The following TMIGD3 variants were observed in gnomAD, a reference collection of about 807,000 sequenced individuals.
TMIGD3 encodes transmembrane and immunoglobulin domain containing 3.
Under a neutral mutation model 28.1 loss-of-function variants are expected in TMIGD3, and 21 were observed. The ratio of observed to expected loss-of-function variants is 0.75; its 90% CI spans 0.53 to 1.08. The LOEUF is 1.08. Ranked by LOEUF, TMIGD3 falls within the 50% of genes least tolerant of loss-of-function variation. The pLI, the probability that TMIGD3 is intolerant of heterozygous loss-of-function variation, is 0.00. For synonymous variants in TMIGD3, 151 were observed against 162.1 expected (o/e 0.93, Z 0.52); for missense variants, 416 against 435.6 (o/e 0.96, Z 0.40).
chr1:111,516,103 C>T (rs757681759), intron 1 of TMIGD3, among the ~76,000 whole-genome samples: 1 of 152,256 alleles, frequency 6.6e-6, no homozygotes, highest in African/African-American at 2.4e-5. Flanking sequence ...GGACAGCGCC[C>T]TCAGCACCCC....
At chr1:111,511,622 T>A (rs1655693630) in intron 1 of TMIGD3, among the ~76,000 whole-genome samples, 1 of 152,068 alleles carries the variant, frequency 6.6e-6, no homozygotes, top group Non-Finnish European at 1.5e-5. Context: ...TTTTTACCTA[T>A]AACAACCATT....
upstream of TMIGD3, among the ~76,000 whole-genome samples, chr1:111,504,658 T>C (rs1655413502): frequency 1.3e-5 from 2 of 152,216 alleles, no homozygotes; most frequent in African/African-American, 4.8e-5. Context: ...TCTAAATATG[T>C]ACAGCCCAAA....
chr1:111,483,690 C>T lies in TMIGD3; in HGVS notation c.1041G>A (p.Met347Ile). 6.2e-7 allele frequency: 1 copy of T among 1,612,618 alleles called. No individual in the cohort carries two copies. Among genetic ancestry groups the T allele is most frequent in the East Asian group, 2.2e-5 (1 of 44,880 alleles). ...ACTAAATTAAAAAAATCTTCAGTCA[C>T]ATCTGTTCAGTAGGAGCCATTTCCT... ...TPKEMAPTEQ[M>I] Residue 347 changes from methionine (M) to isoleucine (I), a missense_variant, in exon 6 of 6, where the codon ATG (methionine) becomes ATA (isoleucine). Met to Ile is a conservative substitution (Grantham distance 10). Coordinates refer to ENST00000369716, the MANE Select transcript of TMIGD3 (RefSeq NM_020683.7).
intron 1 of TMIGD3, chr1:111,499,844 A>G: frequency 6.5e-7 from 1 of 1,531,746 alleles, no homozygotes; most frequent in South Asian, 1.3e-5. Flanking sequence ...CCTCAGTGGA[A>G]GTAATCAAGG....
chr1:111,520,405 G>C (rs1656018746), intron 1 of TMIGD3, among the ~76,000 whole-genome samples: 1 of 152,196 alleles, frequency 6.6e-6, no homozygotes, highest in Admixed American at 6.5e-5. Context: ...TCGCCAACAA[G>C]ATAATAAGAT....
At chr1:111,484,032 A>G (rs1402011785) in intron 5 of TMIGD3, among the ~76,000 whole-genome samples, 3 of 152,228 alleles carry the variant, frequency 2.0e-5, no homozygotes, top group Non-Finnish European at 4.4e-5. Flanking sequence ...GCCTTGGTTC[A>G]GGCTGCCACA....
rs1261351308 is a variant in TMIGD3 at position 111,488,668 on chromosome 1, G to C, written c.805+9C>G. 2.5e-6 allele frequency: 4 copies of C among 1,608,650 alleles called. No individual in the cohort carries two copies. Among genetic ancestry groups the C allele is most frequent in the African/African-American group, 2.7e-5 (2 of 74,822 alleles). ...TTACATCCAGCCAGACCCCAGGCAG[G>C]CTCCTTACCTTTCCCAGACCAAAAG... On this transcript the variant is annotated intron_variant, in intron 3 of 5. Coordinates refer to ENST00000369716, the MANE Select transcript of TMIGD3 (RefSeq NM_020683.7).
intron 3 of TMIGD3, 115 bp downstream of exon 3, chr1:111,488,562 A>C (rs1654496488): frequency 1.1e-6 from 1 of 932,412 alleles, no homozygotes. Context: ...AGGCAGGCCC[A>C]AAGTACCCAG....
Position 111,549,564 on chromosome 1 carries a change from C to A in TMIGD3, c.107+14282G>T, listed in dbSNP as rs539742289. Among the ~76,000 whole-genome samples, 10 of 151,024 alleles carry A rather than the reference C, an allele frequency of 6.6e-5. No homozygotes were observed. The East Asian group carries it at 1.4e-3, about 21-fold the overall frequency. On this transcript the variant is annotated intron_variant, in intron 1 of 5. Transcript: ENST00000369717. ...ACTAGGGAGGCTGAGACAGGAGAAT[C>A]GCTTGAACTGAGGAGGCGGAGGTTG...
intron 1 of TMIGD3, among the ~76,000 whole-genome samples, chr1:111,544,489 G>C (rs996511838): frequency 6.6e-6 from 1 of 152,028 alleles, no homozygotes; most frequent in Non-Finnish European, 1.5e-5. Flanking sequence ...ATTTCTTTCA[G>C]CATAATGTTT....
chr1:111,531,318 CT>C lies in TMIGD3; in HGVS notation c.107+32527del, dbSNP rs1656453016. Among the ~76,000 whole-genome samples the C allele has an allele frequency of 2.0e-5, 3 of 151,570 alleles. No homozygotes were observed. The South Asian group carries it at 6.2e-4, about 31-fold the overall frequency. On this transcript the variant is annotated intron_variant, in intron 1 of 5. Transcript: ENST00000369717. ...AAAAACCCAAAACATTATTTTTCCT[CT>C]TTATGTTTCATTTGGTATCATTTGT...
At chr1:111,525,114 T>C (rs1656219378) in intron 1 of TMIGD3, among the ~76,000 whole-genome samples, 1 of 152,222 alleles carries the variant, frequency 6.6e-6, no homozygotes, top group Admixed American at 6.5e-5. Flanking sequence ...AAATGTTCTA[T>C]GTGCACTTGA....
At chr1:111,491,602 C>T (rs1013525998) in intron 1 of TMIGD3, among the ~76,000 whole-genome samples, 1 of 152,212 alleles carries the variant, frequency 6.6e-6, no homozygotes, top group African/African-American at 2.4e-5. Flanking sequence ...GTGAAGTCAG[C>T]ATGTGGGCAA....
At chr1:111,501,179 G>T (rs1000177935) in intron 1 of TMIGD3, 16 of 152,384 alleles carry the variant, frequency 1.0e-4, no homozygotes, top group Non-Finnish European at 1.5e-5. Context: ...ATGCCTCCCC[G>T]ACACTTCCCC....
chr1:111,493,381 TC>T, intron 1 of TMIGD3, among the ~76,000 whole-genome samples: 1 of 152,094 alleles, frequency 6.6e-6, no homozygotes, highest in Middle Eastern at 3.4e-3. Context: ...GTCTGGCACC[TC>T]CCCCCACCCT....
intron 1 of TMIGD3, among the ~76,000 whole-genome samples, chr1:111,536,946 A>C (rs1656660300): frequency 6.6e-6 from 1 of 152,140 alleles, no homozygotes; most frequent in African/African-American, 2.4e-5. Context: ...ATCTTCCTTC[A>C]ACATTGCACC....
In TMIGD3 at chr1:111,503,290, A is replaced by T. The variant is rs200231575; in HGVS notation, c.65T>A (p.Ile22Asn). The change falls in exon 1 of 6, where the codon ATT becomes AAT. Residue 22 changes from isoleucine to asparagine, a missense_variant. By Grantham distance (149) the Ile-to-Asn change is moderately radical. Transcript: ENST00000369716. ...NVTYITMEIF[I>N]GLCAIVGNVL... is the part of the protein sequence containing the mutation. Reference sequence around the variant, plus strand: ...GTTGCCCACTATGGCGCAGAGTCCAATGAAAATTTCCATGGTGATGTAGGT... The same window carrying T: ...GTTGCCCACTATGGCGCAGAGTCCATTGAAAATTTCCATGGTGATGTAGGT... The T allele has an allele frequency of 6.2e-7, 1 of 1,614,092 alleles. No individual in the cohort carries two copies. Among genetic ancestry groups the T allele is most frequent in the Non-Finnish European group, 8.5e-7 (1 of 1,180,034 alleles).
chr1:111,515,768 G>T (rs1655842049), intron 1 of TMIGD3, among the ~76,000 whole-genome samples: 1 of 152,162 alleles, frequency 6.6e-6, no homozygotes, highest in South Asian at 2.1e-4. Context: ...GGAGGGGGCG[G>T]GACTGTCGAC....
At chr1:111,516,155 C>G (rs1360810509) in intron 1 of TMIGD3, among the ~76,000 whole-genome samples, 2 of 152,274 alleles carry the variant, frequency 1.3e-5, no homozygotes, top group Non-Finnish European at 2.9e-5. Flanking sequence ...CCCTCACCTC[C>G]CAGGGCCTTG....
Sources: gnomAD v4.1 joint callset for allele counts (sites outside exome capture counted in the v4.1 genomes callset) on GRCh38, gnomAD v4.1.1 for gene constraint, MANE v1.5 for transcripts, NCBI Gene and HGNC (gene_info 2026-07-23, HGNC 2026-07-21) for gene names.